CYP26A1: variants seen among roughly 807,000 people sequenced by gnomAD.
The protein encoded by CYP26A1 is cytochrome P450 family 26 subfamily A member 1.
Under a neutral mutation model 47.4 loss-of-function variants are expected in CYP26A1, and 46 were observed. That is an observed-to-expected ratio of 0.97 (90% CI 0.77 to 1.24). The LOEUF is 1.24. Ranked by LOEUF, CYP26A1 falls within the 50% of genes most tolerant of loss-of-function variation. The pLI is 0.00. For synonymous variants in CYP26A1, 277 were observed against 263.7 expected (o/e 1.05, Z -0.49); for missense variants, 680 against 644.4 (o/e 1.06, Z -0.60).
chr10:93,075,792 A>C, intron 4 of CYP26A1, 34 bp from the exon 5 acceptor site: 1 of 1,578,426 alleles, frequency 6.3e-7, no homozygotes, highest in Non-Finnish European at 8.7e-7. Context: ...CCGCAGGCAG[A>C]CTTGTGAGAA....
chr10:93,076,671 T>C lies in CYP26A1; in HGVS notation c.1127T>C (p.Val376Ala), dbSNP rs1846981945. Residue 376 changes from valine (V) to alanine (A), a missense_variant, in exon 6 of 7, where the codon GTT (valine) becomes GCT (alanine). Physicochemically the swap from Val to Ala is moderately conservative, Grantham distance 64. Transcript: ENST00000224356. ...LNPPVPGGFR[V>A]ALKTFELNGY... The stretch of plus-strand genomic sequence containing the variant: ...CCCCCAGTTCCAGGAGGGTTTCGGG[T>C]TGCTCTGAAGACTTTTGAATTAAAT... The C allele has an allele frequency of 3.1e-6, 5 of 1,611,236 alleles. No homozygotes were observed. The highest frequency in any genetic ancestry group is 3.4e-6 in the Non-Finnish European group (4 of 1,178,410).
Position 93,074,640 on chromosome 10 carries a change from C to A in CYP26A1, c.414+108C>A. On this transcript the variant is annotated intron_variant, in intron 2 of 6. Transcript: ENST00000224356. The surrounding 1 kb of genome is among the most constrained non-coding windows in gnomAD (Gnocchi z 5.3). ...CTAGCAGCTTGAGGTGGGCTAGGAC[C>A]CTCTGCCAGCTCCAGGTTAGCTTTC... 1 of 1,049,488 alleles carries A rather than the reference C, an allele frequency of 9.5e-7. No individual in the cohort carries two copies. Among genetic ancestry groups the A allele is most frequent in the Non-Finnish European group, 1.5e-6 (1 of 689,376 alleles). 65.0% of individuals were successfully genotyped at this position (1,049,488 alleles called of 1,614,324 possible).
At chr10:93,076,743 C>T (rs775587131) in intron 6 of CYP26A1, 47 bp downstream of exon 6, 1 of 1,377,972 alleles carries the variant, frequency 7.3e-7, no homozygotes, top group South Asian at 1.3e-5. Context: ...GGTTTAAAAA[C>T]TCCTCTTTCT....
At chr10:93,075,587 T>C (rs1479833204) in intron 4 of CYP26A1, 2 of 587,134 alleles carry the variant, frequency 3.4e-6, no homozygotes, top group East Asian at 5.5e-5. Flanking sequence ...GCGATTTTAA[T>C]AAAACTAAGA....
rs999924781 is a variant in CYP26A1 at position 93,074,904 on chromosome 10, G to A, written c.540G>A (p.Glu180=). 1 of 1,613,234 alleles carries A rather than the reference G, an allele frequency of 6.2e-7. No homozygotes were observed. Among genetic ancestry groups the A allele is most frequent in the Non-Finnish European group, 8.5e-7 (1 of 1,180,050 alleles). The change falls in exon 3 of 7, where the codon GAG becomes GAA. Residue 180 remains glutamate (E), a synonymous_variant. Transcript: ENST00000224356. This position sits in a 1 kb window ranked among gnomAD's most constrained non-coding sequence, Gnocchi z 5.3. Reference sequence around the variant, plus strand: ...AGCGCGGCCTCCTGGTCTACCCCGAGGTGAAGCGCCTCATGTTCCGAATCG... The same window carrying A: ...AGCGCGGCCTCCTGGTCTACCCCGAAGTGAAGCGCCTCATGTTCCGAATCG... ...CGERGLLVYP[E]VKRLMFRIAM...
Position 93,075,217 on chromosome 10 carries a change from G to C in CYP26A1, c.774G>C (p.Leu258=), listed in dbSNP as rs950530869. 1 of 1,613,908 alleles carries C rather than the reference G, an allele frequency of 6.2e-7. No homozygotes were observed. Among genetic ancestry groups the C allele is most frequent in the African/African-American group, 1.3e-5 (1 of 74,956 alleles). The change falls in exon 4 of 7, where the codon CTG becomes CTC. Residue 258 remains leucine (L), a synonymous_variant. Coordinates refer to ENST00000224356, the MANE Select transcript of CYP26A1 (RefSeq NM_000783.4). The part of the protein sequence containing the change: ...EQNIRAKICG[L]RASEAGQGCK... ...ACATTCGCGCCAAGATCTGCGGGCTGCGGGCATCCGAGGCGGGCCAGGGCT... is the reference window on the plus strand; with the variant it reads ...ACATTCGCGCCAAGATCTGCGGGCTCCGGGCATCCGAGGCGGGCCAGGGCT...
rs1436995943 is a variant in CYP26A1, at chr10:93,077,007, T to C, written c.1197T>C (p.Cys399=). The change falls in exon 7 of 7, where the codon TGT becomes TGC. Residue 399 remains cysteine (C), a synonymous_variant. Coordinates refer to ENST00000224356, the MANE Select transcript of CYP26A1 (RefSeq NM_000783.4). ...PKGWNVIYSI[C]DTHDVAEIFT... is the part of the protein sequence containing the mutation. ...GCTGGAATGTTATCTACAGTATCTG[T>C]GATACTCATGATGTGGCAGAGATCT... is the stretch of plus-strand genomic sequence containing the variant. 2 of 1,611,924 alleles carry C rather than the reference T, an allele frequency of 1.2e-6. No homozygotes were observed. The highest frequency in any genetic ancestry group is 1.7e-5 in the Admixed American group (1 of 60,012).
intron 5 of CYP26A1, 78 bp from the exon 6 acceptor site, chr10:93,076,466 A>T: frequency 2.0e-6 from 2 of 978,470 alleles, no homozygotes; most frequent in Non-Finnish European, 3.1e-6. Context: ...GTCTCCACTT[A>T]AGCCCTGTTT....
intron 5 of CYP26A1, 196 bp from the exon 6 acceptor site, chr10:93,076,348 C>A (rs1345810457): frequency 6.4e-5 from 35 of 549,296 alleles, no homozygotes; most frequent in Non-Finnish European, 1.1e-4. Flanking sequence ...AACTGGTGAG[C>A]AGCATTCTCC....
At chr10:93,075,416 G>A in intron 4 of CYP26A1, 109 bp downstream of exon 4, 1 of 1,016,814 alleles carries the variant, frequency 9.8e-7, no homozygotes, top group Non-Finnish European at 1.4e-6. Flanking sequence ...TTCTGGAGTG[G>A]GCGGCCGGCT....
At chr10:93,075,336 C>T (rs1170831211) in intron 4 of CYP26A1, 29 bp downstream of exon 4, 2 of 1,600,974 alleles carry the variant, frequency 1.2e-6, no homozygotes, top group Admixed American at 1.7e-5. Flanking sequence ...CCAGGCACTG[C>T]GGAGTTTGGT....
At position 93,074,836 on chromosome 10, in the gene CYP26A1, G is replaced by A. The variant is rs777371110; in HGVS notation, c.472G>A (p.Glu158Lys). 1.7e-5 allele frequency: 28 copies of A among 1,611,628 alleles called. No individual in the cohort carries two copies. The highest frequency in any genetic ancestry group is 1.7e-4 in the Admixed American group (10 of 60,004). ...CGAATGCTACGTGCCGGTGATCACC[G>A]AGGAAGTGGGCAGCAGCCTGGAGCA... ...ALECYVPVIT[E>K]EVGSSLEQWL... The change falls in exon 3 of 7, where the codon GAG becomes AAG. Residue 158 changes from glutamate (E) to lysine (K), a missense_variant. Physicochemically the swap from Glu to Lys is moderately conservative, Grantham distance 56 (BLOSUM62 1). Transcript: ENST00000224356. The surrounding 1 kb of genome is among the most constrained non-coding windows in gnomAD (Gnocchi z 5.3).
chr10:93,075,153 T>C lies in CYP26A1; in HGVS notation c.710T>C (p.Met237Thr), dbSNP rs1345597183. 6 of 1,613,262 alleles carry C rather than the reference T, an allele frequency of 3.7e-6. No homozygotes were observed. The East Asian group carries it at 1.1e-4, about 30-fold the overall frequency. Reference protein sequence around the residue: ...DVPFSGLYRGMKARNLIHARI... With the variant: ...DVPFSGLYRGTKARNLIHARI... ...CCGCGCGCTCTCTGCGCTCAGGGCATGAAGGCGCGGAACCTCATTCACGCG... is the reference window on the plus strand; with the variant it reads ...CCGCGCGCTCTCTGCGCTCAGGGCACGAAGGCGCGGAACCTCATTCACGCG... Residue 237 changes from methionine to threonine, a missense_variant, in exon 4 of 7, where the codon ATG becomes ACG. Coordinates refer to ENST00000224356, the MANE Select transcript of CYP26A1 (RefSeq NM_000783.4).
Position 93,076,438 on chromosome 10 carries a change from T to C in CYP26A1, c.1000-106T>C, listed in dbSNP as rs1590144861. On this transcript the variant is annotated intron_variant, in intron 5 of 6. Coordinates refer to ENST00000224356, the MANE Select transcript of CYP26A1 (RefSeq NM_000783.4). The stretch of plus-strand genomic sequence containing the variant: ...TTCCCCCTCCCAGTCTCTCCCATCA[T>C]GGGGCCCTTTGGGTTTAGTCTCCAC... The C allele has an allele frequency of 4.2e-6, 3 of 715,376 alleles. No homozygotes were observed. The East Asian group carries it at 7.7e-5, about 18-fold the overall frequency. The allele number at this position is 715,376 out of a possible 1,614,324, so 44.3% of individuals were successfully genotyped here.
chr10:93,077,272 G>C lies in CYP26A1; in HGVS notation c.1462G>C (p.Ala488Pro). ...CGTGTATCCTGTGGACAATCTCCCT[G>C]CAAGATTCACCCATTTCCATGGGGA... ...PTVYPVDNLP[A>P]RFTHFHGEI Residue 488 changes from alanine to proline, a missense_variant, in exon 7 of 7, where the codon GCA becomes CCA. Physicochemically the swap from Ala to Pro is conservative, Grantham distance 27. Coordinates refer to ENST00000224356, the MANE Select transcript of CYP26A1 (RefSeq NM_000783.4). 1 of 1,551,998 alleles carries C rather than the reference G, an allele frequency of 6.4e-7. No homozygotes were observed. Among genetic ancestry groups the C allele is most frequent in the Non-Finnish European group, 8.7e-7 (1 of 1,148,076 alleles).
chr10:93,076,718 T>C, intron 6 of CYP26A1, 22 bp downstream of exon 6: 1 of 1,568,514 alleles, frequency 6.4e-7, no homozygotes, highest in Non-Finnish European at 8.7e-7. Flanking sequence ...TTCTCTTCTT[T>C]CTCCCTTTTG....
rs200030698 is a variant in CYP26A1 at position 93,076,541 on chromosome 10, T to C, written c.1000-3T>C. The C allele has an allele frequency of 2.5e-6, 4 of 1,599,722 alleles. No individual in the cohort carries two copies. In the East Asian group the frequency reaches 8.9e-5, roughly 36 times the overall value. On this transcript the variant is annotated splice_region_variant and splice_polypyrimidine_tract_variant and intron_variant, in intron 5 of 6. Coordinates refer to ENST00000224356, the MANE Select transcript of CYP26A1 (RefSeq NM_000783.4). ...GTTCACCTCTGTATGACTGTTTTGA[T>C]AGGGTTTACTTTGCAAGAGCAATCA...
Position 93,077,193 on chromosome 10 carries a change from G to A in CYP26A1, c.1383G>A (p.Arg461=). 1 of 1,611,240 alleles carries A rather than the reference G, an allele frequency of 6.2e-7. No homozygotes were observed. ...LLKIFTVELA[R]HCDWQLLNGP... is the part of the protein sequence containing the mutation. The stretch of plus-strand genomic sequence containing the variant: ...AAATATTTACAGTGGAGCTGGCCAG[G>A]CATTGTGACTGGCAGCTTCTAAATG... The change falls in exon 7 of 7, where the codon AGG becomes AGA. Residue 461 remains arginine, a synonymous_variant. Coordinates refer to ENST00000224356, the MANE Select transcript of CYP26A1 (RefSeq NM_000783.4).
In CYP26A1 at chr10:93,077,402, T is replaced by G; in HGVS notation, c.*98T>G. The G allele has an allele frequency of 2.0e-6, 1 of 493,366 alleles. No homozygotes were observed. The highest frequency in any genetic ancestry group is 2.0e-5 in the African/African-American group (1 of 51,268). The allele number at this position is 493,366 out of a possible 1,614,324, so 30.6% of individuals were successfully genotyped here. A position where few individuals can be genotyped will look rare whatever the true frequency, so the allele number is the denominator to read the frequency against. ...TTATATTTAATTTCTAAATGTATAT[T>G]ATAATATTTATGTGTTTTGACTATA... On this transcript the variant is annotated 3_prime_UTR_variant, in exon 7 of 7. Coordinates refer to ENST00000224356, the MANE Select transcript of CYP26A1 (RefSeq NM_000783.4).
Sources: allele counts gnomAD v4.1 joint callset, GRCh38; gene constraint gnomAD v4.1.1; non-coding constraint Gnocchi (gnomAD v3.1); transcripts MANE v1.5; gene names NCBI Gene and HGNC (gene_info 2026-07-23, HGNC 2026-07-21).